MSI2: variants seen among roughly 807,000 people sequenced by gnomAD.
MSI2 encodes RNA-binding protein Musashi homolog 2.
Under a neutral mutation model 45.6 loss-of-function variants are expected in MSI2, and 17 were observed. The ratio of observed to expected loss-of-function variants is 0.37; its 90% CI spans 0.26 to 0.56. The LOEUF is 0.56. Ranked by LOEUF, MSI2 falls within the 20% of genes least tolerant of loss-of-function variation. The probability of loss-of-function intolerance (pLI) is 0.77; values close to 1 mark genes in which losing one functional copy is unlikely to be tolerated. For synonymous variants in MSI2, 156 were observed against 158.2 expected (o/e 0.99, Z 0.11); for missense variants, 293 against 444.2 (o/e 0.66, Z 3.06).
chr17:57,398,566 G>A (rs1435304748), intron 5 of MSI2, among the ~76,000 whole-genome samples: 1 of 152,186 alleles, frequency 6.6e-6, no homozygotes, highest in Non-Finnish European at 1.5e-5. Flanking sequence ...TTTGTGTAAT[G>A]TGTCTTTTCG....
At position 57,256,787 on chromosome 17, in the gene MSI2, C is replaced by T. The variant is rs1353639965; in HGVS notation, c.45C>T (p.Asp15=). 6.8e-7 allele frequency: 1 copy of T among 1,479,660 alleles called. No individual in the cohort carries two copies. The highest frequency in any genetic ancestry group is 1.5e-5 in the African/African-American group (1 of 67,632). The allele number at this position is 1,479,660 out of a possible 1,614,324, so 91.7% of individuals were successfully genotyped here. The part of the protein sequence containing the change: ...GSQGTSGSAN[D]SQHDPGKMFI... ...AAGGCACCTCGGGCAGCGCCAACGACTCCCAGCACGACCCCGGGTAAGTTT... is the reference window on the plus strand; with the variant it reads ...AAGGCACCTCGGGCAGCGCCAACGATTCCCAGCACGACCCCGGGTAAGTTT... The change falls in exon 1 of 14, where the codon GAC becomes GAT. Residue 15 remains aspartate (D), a synonymous_variant. Coordinates refer to ENST00000284073, the MANE Select transcript of MSI2 (RefSeq NM_138962.4).
At chr17:57,505,524 A>G (rs2086207773) in intron 6 of MSI2, among the ~76,000 whole-genome samples, 1 of 152,220 alleles carries the variant, frequency 6.6e-6, no homozygotes, top group Non-Finnish European at 1.5e-5. Flanking sequence ...ACAAATTAAC[A>G]AGGAAAAAGC....
At chr17:57,285,757 T>C (rs1199554701) in intron 5 of MSI2, 7 of 1,125,438 alleles carry the variant, frequency 6.2e-6, no homozygotes, top group Admixed American at 3.5e-5. Flanking sequence ...TACATGGAAC[T>C]CTATTTTCTT....
At chr17:57,388,255 C>A (rs1399696866) in intron 5 of MSI2, among the ~76,000 whole-genome samples, 1 of 152,188 alleles carries the variant, frequency 6.6e-6, no homozygotes, top group African/African-American at 2.4e-5. Flanking sequence ...CCTTTTCCCT[C>A]AAAGGAAGTT....
chr17:57,489,725 A>G (rs1219481087), intron 6 of MSI2, among the ~76,000 whole-genome samples: 1 of 152,322 alleles, frequency 6.6e-6, no homozygotes, highest in South Asian at 2.1e-4. Context: ...CAGCATCCAT[A>G]TTAGCCCACT....
intron 5 of MSI2, among the ~76,000 whole-genome samples, chr17:57,308,487 C>T (rs908956849): frequency 2.6e-5 from 4 of 152,192 alleles, no homozygotes; most frequent in South Asian, 2.1e-4. Flanking sequence ...GTGGCTTACC[C>T]GACATTCAGT....
At chr17:57,264,199 G>A (rs1277561001) in intron 5 of MSI2, 1 of 152,176 alleles carries the variant, frequency 6.6e-6, no homozygotes, top group Non-Finnish European at 1.5e-5. Flanking sequence ...GGGTTCGGAT[G>A]CTGGTGGTGC....
upstream of MSI2, chr17:57,255,851 A>T (rs200335604): frequency 6.6e-6 from 1 of 152,248 alleles, no homozygotes; most frequent in African/African-American, 2.4e-5. Flanking sequence ...GTGTGGAGCC[A>T]GAGCCAGAGA....
At chr17:57,536,631 T>A (rs78244727) in intron 7 of MSI2, among the ~76,000 whole-genome samples, 1 of 152,236 alleles carries the variant, frequency 6.6e-6, no homozygotes, top group African/African-American at 2.4e-5. Flanking sequence ...AAGTCTGAGA[T>A]GTGTTAAGGG....
chr17:57,282,010 T>C (rs1395298068), intron 5 of MSI2, among the ~76,000 whole-genome samples: 1 of 152,178 alleles, frequency 6.6e-6, no homozygotes, highest in Non-Finnish European at 1.5e-5. Flanking sequence ...CATTTTAAAT[T>C]TGTCACTGCT....
intron 5 of MSI2, among the ~76,000 whole-genome samples, chr17:57,288,399 C>T (rs1434903088): frequency 6.6e-6 from 1 of 152,174 alleles, no homozygotes; most frequent in Non-Finnish European, 1.5e-5. Flanking sequence ...TTTAGCCTTC[C>T]AGGCCCTGAA....
rs746844281 is a variant in MSI2 at position 57,280,084 on chromosome 17, G to A, written c.312+17892G>A. ...CCTGGAGAAATAACGTTGAGGCTGA[G>A]CTTGATGTAGGGAGGGAAGTAGCAG... On this transcript the variant is annotated intron_variant, in intron 5 of 13. Coordinates refer to ENST00000284073, the MANE Select transcript of MSI2 (RefSeq NM_138962.4). This position sits in a 1 kb window ranked among gnomAD's most constrained non-coding sequence, Gnocchi z 4.2. 2 of 152,170 alleles carry A rather than the reference G, an allele frequency of 1.3e-5. No homozygotes were observed. The highest frequency in any genetic ancestry group is 2.9e-5 in the Non-Finnish European group (2 of 68,056). 9.4% of individuals were successfully genotyped at this position (152,170 alleles called of 1,614,324 possible).
intron 6 of MSI2, among the ~76,000 whole-genome samples, chr17:57,430,780 C>T (rs1326920031): frequency 6.6e-6 from 1 of 152,120 alleles, no homozygotes; most frequent in Non-Finnish European, 1.5e-5. Context: ...GATGGTGGCC[C>T]AAGTTGGCAG....
chr17:57,585,745 A>T (rs894643089), intron 7 of MSI2, among the ~76,000 whole-genome samples: 7 of 152,224 alleles, frequency 4.6e-5, no homozygotes, highest in Non-Finnish European at 8.8e-5. Context: ...CTGATACCCC[A>T]TCTCCCCTGA....
Position 57,680,905 on chromosome 17 carries a change from T to TG in MSI2, c.*1393dup. ...CTGCCCCCCACCCTGCTCCCACATC[T>TG]GGGGGCCCATGGGCCAGGAGTGGAT... is the stretch of plus-strand genomic sequence containing the variant. On this transcript the variant is annotated 3_prime_UTR_variant, in exon 14 of 14. Coordinates refer to ENST00000284073, the MANE Select transcript of MSI2 (RefSeq NM_138962.4). 2 of 199,038 alleles carry TG rather than the reference T, an allele frequency of 1.0e-5. No homozygotes were observed. Among genetic ancestry groups the TG allele is most frequent in the Non-Finnish European group, 2.1e-5 (2 of 96,224 alleles). The allele number at this position is 199,038 out of a possible 1,614,324, so 12.3% of individuals were successfully genotyped here. A position where few individuals can be genotyped will look rare whatever the true frequency, so the allele number is the denominator to read the frequency against.
chr17:57,304,964 A>G (rs1911759664), intron 5 of MSI2, among the ~76,000 whole-genome samples: 2 of 152,134 alleles, frequency 1.3e-5, no homozygotes, highest in Admixed American at 1.3e-4. Context: ...ACTGAGTGCC[A>G]GATGTTTTGT....
chr17:57,277,603 G>C (rs1908989169), intron 5 of MSI2, among the ~76,000 whole-genome samples: 1 of 152,236 alleles, frequency 6.6e-6, no homozygotes. Context: ...AAGAGAAGAG[G>C]CTTAGGAGGC....
intron 5 of MSI2, among the ~76,000 whole-genome samples, chr17:57,322,116 C>G (rs1309275480): frequency 6.6e-6 from 1 of 152,210 alleles, no homozygotes; most frequent in Non-Finnish European, 1.5e-5. Flanking sequence ...AAATTTTAAG[C>G]TCCATGAGGG....
At chr17:57,562,511 C>T (rs2087603072) in intron 7 of MSI2, among the ~76,000 whole-genome samples, 1 of 152,356 alleles carries the variant, frequency 6.6e-6, no homozygotes, top group East Asian at 1.9e-4. Context: ...CTTCTTAGAT[C>T]TGTGCTGTCG....
Sources: allele counts gnomAD v4.1 joint callset (sites outside exome capture counted in the v4.1 genomes callset), GRCh38; gene constraint gnomAD v4.1.1; non-coding constraint Gnocchi (gnomAD v3.1); transcripts MANE v1.5; gene names NCBI Gene and HGNC (gene_info 2026-07-23, HGNC 2026-07-21).